Variants in DLGAP3 observed in about 807,000 individuals in gnomAD.
DLGAP3 encodes the protein disks large-associated protein 3.
Under a neutral mutation model 81.2 loss-of-function variants are expected in DLGAP3, and 17 were observed. That is an observed-to-expected ratio of 0.21 (90% CI 0.14 to 0.31). The LOEUF (loss-of-function observed/expected upper bound fraction) is 0.31, where lower values mean the gene tolerates loss of function less well. Among genes scored for constraint, DLGAP3 ranks in the 10% least tolerant of loss-of-function variants. The pLI is 1.00. For missense variants in DLGAP3, 1,124 were observed against 1,388.0 expected, an observed-to-expected ratio of 0.81 and a Z score of 3.02; for synonymous variants, 577 against 587.4, an observed-to-expected ratio of 0.98 and a Z score of 0.26.
chr1:34,866,349 C>T (rs780317844), intron 11 of DLGAP3, 48 bp from the exon 12 acceptor site: 1 of 1,418,368 alleles, frequency 7.1e-7, no homozygotes, highest in South Asian at 1.4e-5. Flanking sequence ...ACCATCCCAA[C>T]ACCCAGGTGT....
At position 34,886,290 on chromosome 1, in the gene DLGAP3, G is replaced by C; in HGVS notation, c.1387-5C>G. 1.3e-6 allele frequency: 2 copies of C among 1,577,822 alleles called. No individual in the cohort carries two copies. The highest frequency in any genetic ancestry group is 1.7e-6 in the Non-Finnish European group (2 of 1,161,312). ...CTGGTTCAACTCATCGCTGAGCTGG[G>C]GGGCAGGGGGTCGGGAGGACAGTTA... On this transcript the variant is annotated splice_region_variant and splice_polypyrimidine_tract_variant and intron_variant, in intron 5 of 11. Coordinates refer to ENST00000373347, the MANE Select transcript of DLGAP3 (RefSeq NM_001080418.3).
intron 3 of DLGAP3, among the ~76,000 whole-genome samples, chr1:34,901,670 AG>A (rs1406590843): frequency 2.6e-5 from 4 of 152,338 alleles, no homozygotes; most frequent in African/African-American, 9.6e-5. Flanking sequence ...GGCACTGAAA[AG>A]TAGCTTTTGA....
intron 1 of DLGAP3, among the ~76,000 whole-genome samples, chr1:34,913,234 A>C (rs1639664948): frequency 1.3e-5 from 2 of 152,208 alleles, no homozygotes; most frequent in Non-Finnish European, 2.9e-5. Context: ...TTAGGGCAGA[A>C]ATTTTACAGA....
Position 34,867,128 on chromosome 1 carries a change from G to A in DLGAP3, c.2641C>T (p.Leu881Phe). 6.2e-7 allele frequency: 1 copy of A among 1,614,216 alleles called. No individual in the cohort carries two copies. Among genetic ancestry groups the A allele is most frequent in the Non-Finnish European group, 8.5e-7 (1 of 1,180,024 alleles). Residue 881 changes from leucine to phenylalanine, a missense_variant, in exon 11 of 12, where the codon CTC (leucine) becomes TTC (phenylalanine). Physicochemically the swap from Leu to Phe is conservative, Grantham distance 22 (BLOSUM62 0). Transcript: ENST00000373347. This position sits in a 1 kb window ranked among gnomAD's most constrained non-coding sequence, Gnocchi z 4.3. ...TTGAGGGTCACATCCTCGATGGAGAGCTGTAGGAGGTCCCAGAAACCCGCC... is the reference window on the plus strand; with the variant it reads ...TTGAGGGTCACATCCTCGATGGAGAACTGTAGGAGGTCCCAGAAACCCGCC... ...DLAGFWDLLQ[L>F]SIEDVTLKFL...
chr1:34,905,178 G>A lies in DLGAP3; in HGVS notation c.206C>T (p.Pro69Leu), dbSNP rs375429909. The A allele has an allele frequency of 2.0e-5, 31 of 1,579,018 alleles. No individual in the cohort carries two copies. Among genetic ancestry groups the A allele is most frequent in the East Asian group, 9.3e-5 (4 of 43,234 alleles). Residue 69 changes from proline to leucine, a missense_variant, in exon 3 of 12, where the codon CCG becomes CTG. Physicochemically the swap from Pro to Leu is moderately conservative, Grantham distance 98 (BLOSUM62 -3). This residue lies in a region of DLGAP3 where 167 missense variants were observed against 172.1 expected (regional missense o/e 0.97). Transcript: ENST00000373347. ...TGGCCCTCCCTCAGGGCCTACCGAC[G>A]GCCCCTCACTCAGGCTCAGGGGCCC... ...PEGPLSLSEG[P>L]SVGPEGGPAG...
rs374534747 is a variant in DLGAP3 at position 34,867,493 on chromosome 1, G to A, written c.2577+43C>T. 4.6e-6 allele frequency: 7 copies of A among 1,533,098 alleles called. No homozygotes were observed. The African/African-American group carries it at 8.2e-5, about 18-fold the overall frequency. The allele number at this position is 1,533,098 out of a possible 1,614,324, so 95.0% of individuals were successfully genotyped here. A position where few individuals can be genotyped will look rare whatever the true frequency, so the allele number is the denominator to read the frequency against. On this transcript the variant is annotated intron_variant, in intron 10 of 11. Coordinates refer to ENST00000373347, the MANE Select transcript of DLGAP3 (RefSeq NM_001080418.3). This position sits in a 1 kb window ranked among gnomAD's most constrained non-coding sequence, Gnocchi z 4.3. ...CTCACCTCCAGCACACACACACTCT[G>A]GGTCACATGTATCTGGTAGGATCTA...
Position 34,866,274 on chromosome 1 carries a change from G to T in DLGAP3, c.2749C>A (p.Pro917Thr). ...CCCCGGCCCCGCAGGGGCTTCTTTG[G>T]TATCGGCGGAGGGACCTTCTTCTCC... Reference protein sequence around the residue: ...KEEKKVPPPIPKKPLRGRGVP... With the variant: ...KEEKKVPPPITKKPLRGRGVP... Residue 917 changes from proline (P) to threonine (T), a missense_variant, in exon 12 of 12, where the codon CCA (proline) becomes ACA (threonine). Coordinates refer to ENST00000373347, the MANE Select transcript of DLGAP3 (RefSeq NM_001080418.3). The T allele has an allele frequency of 6.5e-7, 1 of 1,542,446 alleles. No individual in the cohort carries two copies. The highest frequency in any genetic ancestry group is 8.7e-7 in the Non-Finnish European group (1 of 1,144,686).
intron 8 of DLGAP3, among the ~76,000 whole-genome samples, chr1:34,870,270 C>T (rs1008915255): frequency 2.6e-5 from 4 of 152,070 alleles, no homozygotes; most frequent in Non-Finnish European, 5.9e-5. Flanking sequence ...GAGGTTGGGA[C>T]CAGGCAATAC....
chr1:34,875,743 G>T (rs1453357550), intron 8 of DLGAP3, among the ~76,000 whole-genome samples: 1 of 152,224 alleles, frequency 6.6e-6, no homozygotes, highest in Non-Finnish European at 1.5e-5. Context: ...GTGCCATAAG[G>T]ACATGTTGAG....
At chr1:34,877,856 A>C (rs777900123) in intron 8 of DLGAP3, among the ~76,000 whole-genome samples, 2 of 152,270 alleles carry the variant, frequency 1.3e-5, no homozygotes, top group Non-Finnish European at 2.9e-5. Flanking sequence ...ACTGTTGATC[A>C]GTTCAACATA....
rs758633816 is a variant in DLGAP3, at chr1:34,885,642, C to T, written c.1750G>A (p.Gly584Arg). ...GPARRCSSAD[G>R]LDGPAMGART... ...GCACCCATGGCGGGGCCGTCCAGCCCGTCGGCGGAGCTGCAGCGCCGGGCG... is the reference window on the plus strand; with the variant it reads ...GCACCCATGGCGGGGCCGTCCAGCCTGTCGGCGGAGCTGCAGCGCCGGGCG... Residue 584 changes from glycine to arginine, a missense_variant, in exon 7 of 12, where the codon GGG (glycine) becomes AGG (arginine). Gly to Arg is a moderately radical substitution (Grantham distance 125). Transcript: ENST00000373347. The T allele has an allele frequency of 1.3e-6, 2 of 1,485,032 alleles. No individual in the cohort carries two copies. The highest frequency in any genetic ancestry group is 2.3e-5 in the Admixed American group (1 of 42,750). The allele number at this position is 1,485,032 out of a possible 1,614,324, so 92.0% of individuals were successfully genotyped here.
intron 1 of DLGAP3, among the ~76,000 whole-genome samples, chr1:34,911,651 G>C (rs553007364): frequency 6.6e-6 from 1 of 152,214 alleles, no homozygotes; most frequent in Non-Finnish European, 1.5e-5. Context: ...AAGTGGCACA[G>C]ATGCCGTCAC....
intron 1 of DLGAP3, among the ~76,000 whole-genome samples, chr1:34,928,008 T>C (rs1406159468): frequency 6.6e-6 from 1 of 152,176 alleles, no homozygotes; most frequent in Non-Finnish European, 1.5e-5. Context: ...TTTTGTAGGT[T>C]AAATAAAAAC....
chr1:34,928,128 G>A (rs1241551493), intron 1 of DLGAP3, among the ~76,000 whole-genome samples: 2 of 152,158 alleles, frequency 1.3e-5, no homozygotes, highest in African/African-American at 4.8e-5. Context: ...CAAAAGCCCT[G>A]AACTAATATG....
Position 34,868,464 on chromosome 1 carries a change from G to A in DLGAP3, c.2485+141C>T, listed in dbSNP as rs902368609. 15 of 732,328 alleles carry A rather than the reference G, an allele frequency of 2.0e-5. No homozygotes were observed. The highest frequency in any genetic ancestry group is 8.7e-5 in the African/African-American group (5 of 57,716). 45.4% of individuals were successfully genotyped at this position (732,328 alleles called of 1,614,324 possible). ...CTTGCTGCCGATGTTGACCCGCCAC[G>A]CTCCAGTGCAGAAGACCAGTGAGGC... is the stretch of plus-strand genomic sequence containing the variant. On this transcript the variant is annotated intron_variant, in intron 9 of 11. Transcript: ENST00000373347. This position sits in a 1 kb window ranked among gnomAD's most constrained non-coding sequence, Gnocchi z 7.5.
Position 34,929,316 on chromosome 1 carries a change from C to G in DLGAP3, c.-135+135G>C, listed in dbSNP as rs1175809085. ...CAGCTGAGGAGGCCCAGCCCCTCCCCCCTCCCGGGGCCGGGAGCCGAGCGC... is the reference window on the plus strand; with the variant it reads ...CAGCTGAGGAGGCCCAGCCCCTCCCGCCTCCCGGGGCCGGGAGCCGAGCGC... On this transcript the variant is annotated intron_variant, in intron 1 of 11. Coordinates refer to ENST00000373347, the MANE Select transcript of DLGAP3 (RefSeq NM_001080418.3). The surrounding 1 kb of genome is among the most constrained non-coding windows in gnomAD (Gnocchi z 6.5). The G allele has an allele frequency of 6.7e-6, 1 of 150,004 alleles. No homozygotes were observed. The highest frequency in any genetic ancestry group is 2.4e-5 in the African/African-American group (1 of 41,198). 9.3% of individuals were successfully genotyped at this position (150,004 alleles called of 1,614,324 possible).
At chr1:34,884,242 AG>A (rs1340241364) in intron 8 of DLGAP3, among the ~76,000 whole-genome samples, 1 of 151,884 alleles carries the variant, frequency 6.6e-6, no homozygotes, top group Non-Finnish European at 1.5e-5. Context: ...TTATTCCTCC[AG>A]TCGTATGGCC....
At chr1:34,886,909 T>G (rs1557471426) in intron 5 of DLGAP3, among the ~76,000 whole-genome samples, 2 of 148,570 alleles carry the variant, frequency 1.3e-5, no homozygotes, top group Admixed American at 6.7e-5. Flanking sequence ...GCAAAGTTAT[T>G]AACCTACCAG....
chr1:34,910,820 A>G (rs1040048499), intron 1 of DLGAP3, among the ~76,000 whole-genome samples: 3 of 152,156 alleles, frequency 2.0e-5, no homozygotes, highest in Non-Finnish European at 4.4e-5. Flanking sequence ...TAGATTGTCC[A>G]TCTCTCCCAT....
Sources: allele counts gnomAD v4.1 joint callset (sites outside exome capture counted in the v4.1 genomes callset), GRCh38; gene constraint gnomAD v4.1.1; regional missense constraint gnomAD v4.1.1; non-coding constraint Gnocchi (gnomAD v3.1); transcripts MANE v1.5; gene names NCBI Gene and HGNC (gene_info 2026-07-23, HGNC 2026-07-21).